The following IFT80 variants were observed in gnomAD, a reference collection of about 807,000 sequenced individuals.
The protein encoded by IFT80 is intraflagellar transport 80.
A neutral mutation model predicts 107.9 loss-of-function variants in IFT80; 79 were observed. The ratio of observed to expected loss-of-function variants is 0.73; its 90% CI spans 0.61 to 0.88. IFT80 has a LOEUF of 0.88. Ranked by LOEUF, IFT80 falls within the 40% of genes least tolerant of loss-of-function variation. The probability of loss-of-function intolerance (pLI) is 0.00; values close to 1 mark genes in which losing one functional copy is unlikely to be tolerated. For missense variants in IFT80, 797 were observed against 914.2 expected (o/e 0.87, Z 1.65); for synonymous variants, 299 against 300.9 (o/e 0.99, Z 0.07).
intron 6 of IFT80, among the ~76,000 whole-genome samples, chr3:160,364,766 A>G (rs1019168969): frequency 4.6e-5 from 7 of 151,962 alleles, no homozygotes; most frequent in Admixed American, 3.9e-4. Flanking sequence ...AAAACCAAAC[A>G]CCGCATGTTC....
intron 8 of IFT80, among the ~76,000 whole-genome samples, chr3:160,342,325 T>A (rs747542697): frequency 1.6e-4 from 24 of 152,092 alleles, no homozygotes; most frequent in Non-Finnish European, 2.8e-4. Context: ...AAATAAGCAA[T>A]CATACTAAAC....
chr3:160,345,409 A>G (rs1354199322), intron 8 of IFT80, among the ~76,000 whole-genome samples: 2 of 152,108 alleles, frequency 1.3e-5, no homozygotes, highest in Non-Finnish European at 2.9e-5. Context: ...ATGGAGATAG[A>G]GAGTAGAAGG....
chr3:160,269,204 G>C (rs1175200089), intron 18 of IFT80, among the ~76,000 whole-genome samples: 3 of 148,902 alleles, frequency 2.0e-5, no homozygotes, highest in Non-Finnish European at 4.4e-5. Context: ...ATTCCGGCCT[G>C]GGTGACAGAG....
At chr3:160,272,591 C>T (rs1713900198) in intron 18 of IFT80, among the ~76,000 whole-genome samples, 1 of 152,104 alleles carries the variant, frequency 6.6e-6, no homozygotes, top group South Asian at 2.1e-4. Context: ...TTAAAGCACA[C>T]CCTTAAATAT....
intron 8 of IFT80, chr3:160,343,023 A>G (rs1342955961): frequency 1.3e-5 from 2 of 152,298 alleles, no homozygotes; most frequent in Non-Finnish European, 2.9e-5. Flanking sequence ...TAAGCTAATG[A>G]AAAGTAAATA....
intron 10 of IFT80, among the ~76,000 whole-genome samples, chr3:160,306,512 C>T (rs970715154): frequency 3.3e-5 from 5 of 152,122 alleles, no homozygotes; most frequent in African/African-American, 1.2e-4. Flanking sequence ...TTCCCCACAT[C>T]TCAACTGCTT....
chr3:160,322,334 T>C (rs1718300673), intron 8 of IFT80, among the ~76,000 whole-genome samples: 1 of 151,750 alleles, frequency 6.6e-6, no homozygotes, highest in Admixed American at 6.6e-5. Flanking sequence ...TGATTTCCAA[T>C]TTCATCCATG....
At chr3:160,312,960 AAATATAT>A (rs1211187225) in intron 9 of IFT80, among the ~76,000 whole-genome samples, 30 of 60,860 alleles carry the variant, frequency 4.9e-4, no homozygotes, top group African/African-American at 2.0e-3. Context: ...TATTATATAT[AAATATAT>A]AATATATAAT....
chr3:160,395,538 C>T (rs1238610721), intron 1 of IFT80, among the ~76,000 whole-genome samples: 5 of 152,202 alleles, frequency 3.3e-5, no homozygotes, highest in African/African-American at 1.2e-4. Flanking sequence ...ATTCCCTTTG[C>T]ACAGACTGTT....
intron 8 of IFT80, among the ~76,000 whole-genome samples, chr3:160,352,471 T>C (rs1720784423): frequency 6.6e-6 from 1 of 152,184 alleles, no homozygotes. Context: ...GACTAAGCAT[T>C]GCCCATTTCA....
At chr3:160,366,299 T>C (rs1490001056) in intron 5 of IFT80, 147 bp from the exon 6 acceptor site, 3 of 650,692 alleles carry the variant, frequency 4.6e-6, no homozygotes, top group South Asian at 1.7e-5. Context: ...AATTAGAGTA[T>C]ATAGTCTGAT....
chr3:160,298,130 T>C (rs1380506645), intron 12 of IFT80, among the ~76,000 whole-genome samples: 8 of 152,124 alleles, frequency 5.3e-5, no homozygotes, highest in Non-Finnish European at 7.4e-5. Context: ...CCAAGATCTA[T>C]TTATGGAGCA....
chr3:160,388,440 G>A (rs560115360), intron 1 of IFT80, among the ~76,000 whole-genome samples: 1 of 151,496 alleles, frequency 6.6e-6, no homozygotes, highest in South Asian at 2.1e-4. Flanking sequence ...AAGCCTTAAG[G>A]AACTTTTAAC....
intron 12 of IFT80, among the ~76,000 whole-genome samples, chr3:160,291,380 A>G (rs1411457071): frequency 6.6e-6 from 1 of 152,236 alleles, no homozygotes; most frequent in African/African-American, 2.4e-5. Context: ...ATTGAGTAGG[A>G]ACACATTACT....
chr3:160,347,600 C>T (rs971804535), intron 8 of IFT80, among the ~76,000 whole-genome samples: 1 of 152,064 alleles, frequency 6.6e-6, no homozygotes, highest in Non-Finnish European at 1.5e-5. Flanking sequence ...ATGGGTATAC[C>T]TTTAGCCATA....
intron 8 of IFT80, among the ~76,000 whole-genome samples, chr3:160,351,664 TAC>T (rs1328043172): frequency 6.7e-6 from 1 of 148,810 alleles, no homozygotes; most frequent in Non-Finnish European, 1.5e-5. Context: ...TATGCATACA[TAC>T]ACACATAAAT....
chr3:160,266,096 A>G (rs2108205614), intron 19 of IFT80, among the ~76,000 whole-genome samples: 1 of 152,194 alleles, frequency 6.6e-6, no homozygotes, highest in Non-Finnish European at 1.5e-5. Context: ...GACATTTATG[A>G]AGAAAAGTAG....
chr3:160,350,251 C>T (rs937113225), intron 8 of IFT80, among the ~76,000 whole-genome samples: 24 of 151,622 alleles, frequency 1.6e-4, no homozygotes, highest in African/African-American at 5.3e-4. Flanking sequence ...CCCGTATCTA[C>T]TAAAAATACA....
chr3:160,284,836 T>G (rs1474164497), intron 13 of IFT80, among the ~76,000 whole-genome samples: 1 of 152,152 alleles, frequency 6.6e-6, no homozygotes, highest in African/African-American at 2.4e-5. Context: ...GTTACATTTT[T>G]GTAAAGGGGA....
Sources: allele counts gnomAD v4.1 joint callset (sites outside exome capture counted in the v4.1 genomes callset), GRCh38; gene constraint gnomAD v4.1.1; transcripts MANE v1.5; gene names NCBI Gene and HGNC (gene_info 2026-07-23, HGNC 2026-07-21).